Variants in RANBP2 observed in about 807,000 individuals in gnomAD.
RANBP2 encodes E3 SUMO-protein ligase RanBP2.
In RANBP2, 57 loss-of-function variants were observed where a neutral mutation model predicts 303.6. The ratio of observed to expected loss-of-function variants is 0.19; its 90% CI spans 0.15 to 0.23. The LOEUF is 0.23. Ranked by LOEUF, RANBP2 falls within the 10% of genes least tolerant of loss-of-function variation. The probability of loss-of-function intolerance (pLI) is 1.00; values close to 1 mark genes in which losing one functional copy is unlikely to be tolerated. For synonymous variants in RANBP2, 1,167 were observed against 1,301.5 expected (o/e 0.90, Z 2.23); for missense variants, 3,138 against 3,780.8 (o/e 0.83, Z 4.46).
chr2:109,298,824 C>A, the RANBP2 span, among the ~76,000 whole-genome samples: 1 of 152,306 alleles, frequency 6.6e-6, no homozygotes, highest in East Asian at 1.9e-4. Flanking sequence ...ACCAGAGGGT[C>A]CTGTTTCTGC....
At chr2:109,436,605 T>C in the RANBP2 span, among the ~76,000 whole-genome samples, 8 of 152,238 alleles carry the variant, frequency 5.3e-5, no homozygotes, top group Non-Finnish European at 8.8e-5. Context: ...TAAGAACAAA[T>C]TAAGGCAGTA....
At chr2:109,726,435 A>T in the RANBP2 span, among the ~76,000 whole-genome samples, 1 of 151,962 alleles carries the variant, frequency 6.6e-6, no homozygotes, top group Non-Finnish European at 1.5e-5. Context: ...AAAACAAAAA[A>T]CAAACGAACA....
chr2:108,854,739 C>G, the RANBP2 span, among the ~76,000 whole-genome samples: 3 of 152,132 alleles, frequency 2.0e-5, no homozygotes, highest in Admixed American at 6.6e-5. Flanking sequence ...CTTTCTTGGC[C>G]TCTCTCCAGG....
At chr2:109,534,166 G>A in the RANBP2 span, among the ~76,000 whole-genome samples, 2 of 152,152 alleles carry the variant, frequency 1.3e-5, no homozygotes, top group Admixed American at 6.5e-5. Flanking sequence ...GTGTAAGACT[G>A]TCAGAGCCAA....
intron 18 of RANBP2, among the ~76,000 whole-genome samples, chr2:108,759,202 T>A (rs1489493488): frequency 1.3e-5 from 2 of 151,994 alleles, no homozygotes. Flanking sequence ...TTACTGTGGG[T>A]TGGCTATGTG....
At chr2:108,839,185 CT>C in the RANBP2 span, 1 of 1,600,720 alleles carries the variant, frequency 6.2e-7, no homozygotes. Context: ...TTATCTTTAG[CT>C]TTTGCCTCTA....
the RANBP2 span, among the ~76,000 whole-genome samples, chr2:109,409,014 G>A: frequency 6.6e-6 from 1 of 152,246 alleles, no homozygotes; most frequent in Non-Finnish European, 1.5e-5. Context: ...GAAGCCCCGG[G>A]TAGGCGAGAA....
At chr2:109,129,872 A>G in the RANBP2 span, 1 of 1,523,792 alleles carries the variant, frequency 6.6e-7, no homozygotes, top group Non-Finnish European at 8.8e-7. Context: ...CTGCCCGCCA[A>G]CATCTTGCTG....
the RANBP2 span, among the ~76,000 whole-genome samples, chr2:108,990,982 T>G: frequency 6.6e-6 from 1 of 152,214 alleles, no homozygotes; most frequent in Non-Finnish European, 1.5e-5. Flanking sequence ...ATTTTAGGTG[T>G]AACTAAAACA....
the RANBP2 span, chr2:108,896,864 G>T: frequency 6.3e-7 from 1 of 1,581,930 alleles, no homozygotes; most frequent in Non-Finnish European, 8.6e-7. Flanking sequence ...GCCCTCGTTG[G>T]CTCCTTGGCT....
chr2:109,355,843 G>T, the RANBP2 span, among the ~76,000 whole-genome samples: 1 of 152,222 alleles, frequency 6.6e-6, no homozygotes, highest in Non-Finnish European at 1.5e-5. Context: ...TAATGAGTCT[G>T]TGAAGCAGCT....
chr2:109,133,954 G>A, the RANBP2 span, among the ~76,000 whole-genome samples: 1 of 152,162 alleles, frequency 6.6e-6, no homozygotes, highest in Admixed American at 6.5e-5. Context: ...GACGTGGAAT[G>A]TTGGTTAGTC....
At chr2:108,961,126 C>T in the RANBP2 span, among the ~76,000 whole-genome samples, 2 of 152,218 alleles carry the variant, frequency 1.3e-5, no homozygotes, top group Admixed American at 1.3e-4. Context: ...CTGGAGCAGA[C>T]CCTGCAGAGT....
At chr2:109,676,173 C>T in the RANBP2 span, among the ~76,000 whole-genome samples, 2 of 152,212 alleles carry the variant, frequency 1.3e-5, no homozygotes, top group African/African-American at 4.8e-5. Flanking sequence ...CCTCTTCCAG[C>T]CCCATACCCA....
chr2:109,235,383 CT>C, the RANBP2 span, among the ~76,000 whole-genome samples: 1 of 152,198 alleles, frequency 6.6e-6, no homozygotes, highest in African/African-American at 2.4e-5. Context: ...AGACCCTAAT[CT>C]TTTCAAAGCC....
chr2:108,875,786 G>A, the RANBP2 span, among the ~76,000 whole-genome samples: 1 of 152,176 alleles, frequency 6.6e-6, no homozygotes, highest in Admixed American at 6.5e-5. Context: ...TTGAGCTGGG[G>A]AGGTTGAGGC....
chr2:109,020,384 C>T, the RANBP2 span, among the ~76,000 whole-genome samples: 2 of 152,130 alleles, frequency 1.3e-5, no homozygotes, highest in Admixed American at 1.3e-4. Context: ...GTTAGAATTA[C>T]GTATAACAGC....
At chr2:109,553,261 T>C in the RANBP2 span, 10 of 1,607,128 alleles carry the variant, frequency 6.2e-6, no homozygotes, top group African/African-American at 9.4e-5. Context: ...AAAAGTGATA[T>C]AGGTCGGGTA....
the RANBP2 span, among the ~76,000 whole-genome samples, chr2:109,303,051 T>A: frequency 1.3e-5 from 2 of 152,138 alleles, no homozygotes; most frequent in African/African-American, 4.8e-5. Context: ...TAATTTTGTA[T>A]TTTTGGTAGA....
Sources: allele counts gnomAD v4.1 joint callset (sites outside exome capture counted in the v4.1 genomes callset), GRCh38; gene constraint gnomAD v4.1.1; transcripts MANE v1.5; gene names NCBI Gene and HGNC (gene_info 2026-07-23, HGNC 2026-07-21).